The following ABCC4 variants were observed in gnomAD, a reference collection of about 807,000 sequenced individuals.
The protein encoded by ABCC4 is ATP binding cassette subfamily C member 4 (PEL blood group), also known as ATP-binding cassette sub-family C member 4.
A neutral mutation model predicts 168.5 loss-of-function variants in ABCC4; 102 were observed. The observed-to-expected ratio is 0.61, with a 90% CI of 0.52 to 0.71. The LOEUF (loss-of-function observed/expected upper bound fraction) is 0.71, where lower values mean the gene tolerates loss of function less well. ABCC4 is among the 30% of genes least tolerant of loss of function. The pLI, the probability that ABCC4 is intolerant of heterozygous loss-of-function variation, is 0.00. For synonymous variants in ABCC4, 617 were observed against 590.7 expected (o/e 1.04, Z -0.65); for missense variants, 1,402 against 1,605.8 (o/e 0.87, Z 2.17).
chr13:95,064,532 T>TG (rs5805901), intron 25 of ABCC4, among the ~76,000 whole-genome samples: 1 of 141,750 alleles, frequency 7.1e-6, no homozygotes, highest in East Asian at 2.1e-4. Flanking sequence ...TGTGTGTGTG[T>TG]GGGGCTTATG....
intron 25 of ABCC4, among the ~76,000 whole-genome samples, chr13:95,068,163 A>G (rs1594042044): frequency 6.6e-6 from 1 of 152,316 alleles, no homozygotes; most frequent in South Asian, 2.1e-4. Flanking sequence ...GCCCCTCTCC[A>G]TCAGCTCCAA....
chr13:95,268,203 G>A (rs1265577247), intron 1 of ABCC4, among the ~76,000 whole-genome samples: 1 of 152,176 alleles, frequency 6.6e-6, no homozygotes, highest in African/African-American at 2.4e-5. Flanking sequence ...ATGATTTAAT[G>A]AATTTAAGGC....
intron 20 of ABCC4, among the ~76,000 whole-genome samples, chr13:95,097,879 T>C (rs1364483759): frequency 1.3e-5 from 2 of 152,056 alleles, no homozygotes. Context: ...CTCACGCCTA[T>C]AATCCCAGCA....
At chr13:95,194,448 G>C (rs2038353823) in intron 9 of ABCC4, among the ~76,000 whole-genome samples, 1 of 152,192 alleles carries the variant, frequency 6.6e-6, no homozygotes, top group African/African-American at 2.4e-5. Flanking sequence ...AGCTGAAAAT[G>C]TGCACTGATA....
intron 3 of ABCC4, among the ~76,000 whole-genome samples, chr13:95,236,663 G>T (rs1566556045): frequency 6.6e-6 from 1 of 152,056 alleles, no homozygotes; most frequent in Non-Finnish European, 1.5e-5. Context: ...CTTCCATGAG[G>T]TCATGGAAGT....
chr13:95,247,951 C>CCACAGACAGGCCCTAGCTT (rs1566566986), intron 1 of ABCC4, among the ~76,000 whole-genome samples, 198 bp from the exon 2 acceptor site: 2 of 146,954 alleles, frequency 1.4e-5, no homozygotes, highest in African/African-American at 4.9e-5. Flanking sequence ...GTCCCTAGCT[C>CCACAGACAGGCCCTAGCTT]TATCCACAGA....
rs1290336447 is a variant in ABCC4, at chr13:95,058,577, A to G, written c.3366+4127T>C. 5.9e-5 allele frequency among the ~76,000 whole-genome samples: 4 copies of G among 68,254 alleles called. No individual in the cohort carries two copies. The East Asian group carries it at 1.5e-3, about 26-fold the overall frequency. 44.8% of individuals were successfully genotyped at this position (68,254 alleles called of 152,430 possible). A position where few individuals can be genotyped will look rare whatever the true frequency, so the allele number is the denominator to read the frequency against. On this transcript the variant is annotated intron_variant, in intron 26 of 30. Transcript: ENST00000645237. Reference sequence around the variant, plus strand: ...AGCAAGACTCCATCTCAAAAAAAAAAAAAAAAAAAAAAAAAGAAAAGAAAA... The same window carrying G: ...AGCAAGACTCCATCTCAAAAAAAAAGAAAAAAAAAAAAAAAGAAAAGAAAA...
chr13:95,226,123 T>C (rs889130437), intron 4 of ABCC4, among the ~76,000 whole-genome samples: 1 of 150,922 alleles, frequency 6.6e-6, no homozygotes, highest in Non-Finnish European at 1.5e-5. Context: ...TGTTGGAGAA[T>C]TACTTCTCCA....
At chr13:95,231,642 G>A (rs768350545) in intron 4 of ABCC4, among the ~76,000 whole-genome samples, 1 of 152,212 alleles carries the variant, frequency 6.6e-6, no homozygotes, top group Non-Finnish European at 1.5e-5. Context: ...ATACAAGGCA[G>A]GACATGAGGA....
intron 3 of ABCC4, among the ~76,000 whole-genome samples, chr13:95,235,155 T>C (rs2039730685): frequency 6.6e-6 from 1 of 152,040 alleles, no homozygotes; most frequent in Non-Finnish European, 1.5e-5. Flanking sequence ...CCTCCCAAAG[T>C]GCTAGGATTA....
At chr13:95,050,255 CAGGGGAA>C in intron 27 of ABCC4, among the ~76,000 whole-genome samples, 1 of 152,316 alleles carries the variant, frequency 6.6e-6, no homozygotes, top group East Asian at 1.9e-4. Context: ...CCACGGACCC[CAGGGGAA>C]GAATTCCTGA....
chr13:95,258,152 T>C lies in ABCC4; in HGVS notation c.75-10399A>G, dbSNP rs542123193. ...AATTTTCAGGACCCCAACAGCCTGC[T>C]AGCTGGCCTACCCACCTTCACCCTT... On this transcript the variant is annotated intron_variant, in intron 1 of 30. Transcript: ENST00000645237. 5.9e-5 allele frequency among the ~76,000 whole-genome samples: 9 copies of C among 152,344 alleles called. No homozygotes were observed. The East Asian group carries it at 1.5e-3, about 26-fold the overall frequency.
At chr13:95,128,087 G>A (rs1197620086) in intron 19 of ABCC4, among the ~76,000 whole-genome samples, 2 of 152,220 alleles carry the variant, frequency 1.3e-5, no homozygotes, top group East Asian at 3.8e-4. Context: ...CTTGGTAGTA[G>A]CAGGGAGTCC....
intron 20 of ABCC4, among the ~76,000 whole-genome samples, chr13:95,098,448 C>A (rs765977694): frequency 6.6e-6 from 1 of 151,958 alleles, no homozygotes; most frequent in Non-Finnish European, 1.5e-5. Flanking sequence ...AAACTCCAAG[C>A]TAAACTGATT....
intron 4 of ABCC4, among the ~76,000 whole-genome samples, chr13:95,227,754 G>A (rs772587172): frequency 1.4e-4 from 22 of 152,136 alleles, no homozygotes; most frequent in Non-Finnish European, 1.8e-4. Context: ...TGTCACCCAC[G>A]CTGGAGTGCG....
At chr13:95,069,638 C>T (rs188011267) in intron 25 of ABCC4, among the ~76,000 whole-genome samples, 2 of 152,242 alleles carry the variant, frequency 1.3e-5, no homozygotes, top group South Asian at 2.1e-4. Flanking sequence ...CTGCCGCCCA[C>T]CATCCTACTT....
chr13:95,179,932 A>T (rs1020547569), intron 11 of ABCC4, among the ~76,000 whole-genome samples: 1 of 152,068 alleles, frequency 6.6e-6, no homozygotes, highest in Non-Finnish European at 1.5e-5. Context: ...AAGGGTATGA[A>T]CTCTCTAAGT....
chr13:95,236,982 C>G (rs1004482009), intron 3 of ABCC4, among the ~76,000 whole-genome samples: 1 of 152,204 alleles, frequency 6.6e-6, no homozygotes, highest in African/African-American at 2.4e-5. Flanking sequence ...GGGCTATCAG[C>G]CAGACGCTCA....
rs2037001363 is a variant in ABCC4 at position 95,159,148 on chromosome 13, T to C, written c.2455+2041A>G. Reference sequence around the variant, plus strand: ...ATATATATATAACTATTGAAGTGCATACAATCAGTAATGTGAATTCTGAGG... The same window carrying C: ...ATATATATATAACTATTGAAGTGCACACAATCAGTAATGTGAATTCTGAGG... On this transcript the variant is annotated intron_variant, in intron 19 of 30. Coordinates refer to ENST00000645237, the MANE Select transcript of ABCC4 (RefSeq NM_005845.5). Among the ~76,000 whole-genome samples the C allele has an allele frequency of 2.3e-5, 3 of 133,252 alleles. No homozygotes were observed. The South Asian group carries it at 7.6e-4, about 34-fold the overall frequency. The allele number at this position is 133,252 out of a possible 152,430, so 87.4% of individuals were successfully genotyped here.
Sources: allele counts gnomAD v4.1 joint callset (sites outside exome capture counted in the v4.1 genomes callset), GRCh38; gene constraint gnomAD v4.1.1; transcripts MANE v1.5; gene names NCBI Gene and HGNC (gene_info 2026-07-23, HGNC 2026-07-21).